The following PRKDC variants were observed in gnomAD, a reference collection of about 807,000 sequenced individuals.
PRKDC encodes DNA-dependent protein kinase catalytic subunit.
A neutral mutation model predicts 486.9 loss-of-function variants in PRKDC; 82 were observed. The observed-to-expected ratio is 0.17, with a 90% CI of 0.14 to 0.20. The LOEUF (loss-of-function observed/expected upper bound fraction) is 0.20, where lower values mean the gene tolerates loss of function less well. Ranked by LOEUF, PRKDC falls within the 10% of genes least tolerant of loss-of-function variation. The pLI, the probability that PRKDC is intolerant of heterozygous loss-of-function variation, is 1.00. For synonymous variants in PRKDC, 1,895 were observed against 1,837.0 expected, an observed-to-expected ratio of 1.03 and a Z score of -0.81; for missense variants, 4,504 against 5,038.2, an observed-to-expected ratio of 0.89 and a Z score of 3.21.
chr8:47,779,528 G>A (rs767151190), intron 80 of PRKDC, among the ~76,000 whole-genome samples: 5 of 152,176 alleles, frequency 3.3e-5, no homozygotes, highest in South Asian at 2.1e-4. Context: ...CAAAAAGCCC[G>A]CACAGTTTTG....
intron 25 of PRKDC, among the ~76,000 whole-genome samples, chr8:47,911,760 T>A (rs1401594855): frequency 6.6e-6 from 1 of 151,910 alleles, no homozygotes; most frequent in Non-Finnish European, 1.5e-5. Flanking sequence ...CATAGCTATT[T>A]TTTATTTATT....
chr8:47,849,509 A>T lies in PRKDC; in HGVS notation c.7006-6T>A, dbSNP rs1261636095. ...CACAGAGACTCCTCCAGTATCTGAA[A>T]AATTAAGTTTATTTTCAAATACACA... On this transcript the variant is annotated splice_region_variant and splice_polypyrimidine_tract_variant and intron_variant, in intron 52 of 85. Transcript: ENST00000314191. The T allele has an allele frequency of 6.2e-7, 1 of 1,608,856 alleles. No homozygotes were observed. Among genetic ancestry groups the T allele is most frequent in the Non-Finnish European group, 8.5e-7 (1 of 1,178,470 alleles).
chr8:47,898,462 T>A lies in PRKDC; in HGVS notation c.3464+8A>T, dbSNP rs1589775868. The A allele has an allele frequency of 1.9e-6, 3 of 1,544,444 alleles. No homozygotes were observed. The Middle Eastern group carries it at 5.0e-4, about 259-fold the overall frequency. On this transcript the variant is annotated splice_region_variant and intron_variant, in intron 29 of 85. Coordinates refer to ENST00000314191, the MANE Select transcript of PRKDC (RefSeq NM_006904.7). ...GGAAAAGACGGAAAAGGAAGCAAGA[T>A]CACCTACCGCGGCAAACGTCGTTTC...
rs2154498219 is a variant in PRKDC, at chr8:47,800,780, C to T, written c.10116+13G>A. The T allele has an allele frequency of 6.3e-7, 1 of 1,593,836 alleles. No individual in the cohort carries two copies. The highest frequency in any genetic ancestry group is 8.5e-7 in the Non-Finnish European group (1 of 1,169,880). Reference sequence around the variant, plus strand: ...ACACAGCACACTAGCGTAAAACATTCCTCCAGTATTACCTTCTCTGAATCC... The same window carrying T: ...ACACAGCACACTAGCGTAAAACATTTCTCCAGTATTACCTTCTCTGAATCC... On this transcript the variant is annotated intron_variant, in intron 71 of 85. Transcript: ENST00000314191.
chr8:47,895,771 T>G (rs1034774694), intron 30 of PRKDC, among the ~76,000 whole-genome samples: 2 of 152,076 alleles, frequency 1.3e-5, no homozygotes, highest in Admixed American at 6.5e-5. Flanking sequence ...CCAGGCGTGG[T>G]AGCTCACACC....
At chr8:47,913,847 G>T in intron 24 of PRKDC, 54 bp downstream of exon 24, 1 of 1,474,754 alleles carries the variant, frequency 6.8e-7, no homozygotes, top group South Asian at 1.5e-5. Flanking sequence ...TAAGCAATAT[G>T]TATTTTTAAA....
rs762784125 is a variant in PRKDC, at chr8:47,890,386, G to A, written c.3942C>T (p.Gly1314=). Residue 1314 remains glycine (G), a synonymous_variant, in exon 32 of 86, where the codon GGC becomes GGT. Coordinates refer to ENST00000314191, the MANE Select transcript of PRKDC (RefSeq NM_006904.7). ...HDIIAAEKCF[G]TGAAGNRTSP... is the part of the protein sequence containing the mutation. ...TTGTTCTGTTACCTGCTGCCCCAGT[G>A]CCAAAGCACTTTTCTGCTGCTATAA... 1.9e-6 allele frequency: 3 copies of A among 1,610,546 alleles called. No homozygotes were observed. The highest frequency in any genetic ancestry group is 3.4e-5 in the Admixed American group (2 of 59,486).
chr8:47,933,131 G>T lies in PRKDC; in HGVS notation c.1665C>A (p.Ser555=). 2 of 1,549,070 alleles carry T rather than the reference G, an allele frequency of 1.3e-6. No individual in the cohort carries two copies. Among genetic ancestry groups the T allele is most frequent in the Middle Eastern group, 1.7e-4 (1 of 5,764 alleles). The part of the protein sequence containing the change: ...LADEAFFSVN[S]SSESLNHLLY... The stretch of plus-strand genomic sequence containing the variant: ...GTAAATGATTCAGACTTTCACTGGA[G>T]GAATTCACAGAGAAAAATGCTTCAT... Residue 555 remains serine (S), a synonymous_variant, in exon 16 of 86, where the codon TCC becomes TCA. Coordinates refer to ENST00000314191, the MANE Select transcript of PRKDC (RefSeq NM_006904.7).
chr8:47,949,067 C>T (rs1415923559), intron 7 of PRKDC, among the ~76,000 whole-genome samples: 1 of 152,200 alleles, frequency 6.6e-6, no homozygotes, highest in African/African-American at 2.4e-5. Flanking sequence ...TAGGGGAGAA[C>T]CCTTTTCTCA....
chr8:47,776,727 C>CA (rs2086614343), intron 85 of PRKDC, 117 bp downstream of exon 85: 1 of 1,345,548 alleles, frequency 7.4e-7, no homozygotes, highest in Non-Finnish European at 1.0e-6. Flanking sequence ...TCAATGAAAG[C>CA]AGAGAAGTCA....
chr8:47,872,445 T>C (rs1159893122), intron 40 of PRKDC, among the ~76,000 whole-genome samples: 1 of 146,086 alleles, frequency 6.8e-6, no homozygotes, highest in East Asian at 2.0e-4. Flanking sequence ...CAACATTGAA[T>C]GTAAATGGAT....
At chr8:47,830,325 G>A (rs552518348) in intron 61 of PRKDC, among the ~76,000 whole-genome samples, 2 of 152,110 alleles carry the variant, frequency 1.3e-5, no homozygotes, top group Non-Finnish European at 2.9e-5. Context: ...TGCTCCCTTT[G>A]TTCAGACAAA....
At chr8:47,891,298 A>G (rs768408825) in intron 31 of PRKDC, among the ~76,000 whole-genome samples, 8 of 152,226 alleles carry the variant, frequency 5.3e-5, no homozygotes, top group Non-Finnish European at 1.0e-4. Flanking sequence ...TGTAAGTCTC[A>G]TGGTTTCTAA....
rs372583510 is a variant in PRKDC at position 47,918,961 on chromosome 8, CT to C, written c.2420-579del. Among the ~76,000 whole-genome samples, 157 of 145,912 alleles carry C rather than the reference CT, an allele frequency of 1.1e-3. 1 individual carries two copies. Among genetic ancestry groups the C allele is most frequent in the Middle Eastern group, 3.5e-3 (1 of 284 alleles). ...GTGTTGAAGTACCCCGAATAAATTC[CT>C]TTTTTTTTTTAAGCAATCATAAACT... On this transcript the variant is annotated intron_variant, in intron 21 of 85. Transcript: ENST00000314191.
chr8:47,780,195 G>A (rs908075007), intron 80 of PRKDC, among the ~76,000 whole-genome samples: 3 of 152,194 alleles, frequency 2.0e-5, no homozygotes, highest in African/African-American at 7.2e-5. Flanking sequence ...GATTACAGGC[G>A]TGAGCTACTG....
At chr8:47,893,042 C>T (rs1175692113) in intron 31 of PRKDC, 97 bp downstream of exon 31, 1 of 1,409,998 alleles carries the variant, frequency 7.1e-7, no homozygotes, top group African/African-American at 1.4e-5. Context: ...TGCACAGCAC[C>T]TACCATCATG....
intron 1 of PRKDC, among the ~76,000 whole-genome samples, chr8:47,959,614 G>A (rs1039730910): frequency 6.6e-5 from 10 of 151,960 alleles, no homozygotes; most frequent in African/African-American, 2.2e-4. Context: ...GGGAGGCGGA[G>A]GTTGCAGTGA....
intron 59 of PRKDC, 51 bp from the exon 60 acceptor site, chr8:47,831,977 TC>T: frequency 6.6e-7 from 1 of 1,508,660 alleles, no homozygotes; most frequent in Non-Finnish European, 9.1e-7. Flanking sequence ...GACACTTGGC[TC>T]TGCTGGTTCA....
chr8:47,828,410 T>C, intron 61 of PRKDC, 63 bp from the exon 62 acceptor site: 3 of 1,345,074 alleles, frequency 2.2e-6, no homozygotes, highest in Non-Finnish European at 3.0e-6. Context: ...AAATCACCAA[T>C]ACTATCAGAG....
Sources: allele counts gnomAD v4.1 joint callset (sites outside exome capture counted in the v4.1 genomes callset), GRCh38; gene constraint gnomAD v4.1.1; transcripts MANE v1.5; gene names NCBI Gene and HGNC (gene_info 2026-07-23, HGNC 2026-07-21).